Variants in CPED1 observed in about 807,000 individuals in gnomAD.
CPED1 encodes the protein cadherin-like and PC-esterase domain-containing protein 1.
CPED1 carries 114 observed loss-of-function variants against 128.2 expected under a neutral mutation model. The ratio of observed to expected loss-of-function variants is 0.89; its 90% CI spans 0.76 to 1.04. The LOEUF is 1.04. CPED1 is among the 50% of genes least tolerant of loss of function. CPED1 has a pLI of 0.00. For synonymous variants in CPED1, 462 were observed against 426.7 expected (o/e 1.08, Z -1.02); for missense variants, 1,211 against 1,207.1 (o/e 1.00, Z -0.05).
chr7:121,024,240 C>G (rs1792511558), intron 3 of CPED1, among the ~76,000 whole-genome samples: 1 of 152,088 alleles, frequency 6.6e-6, no homozygotes, highest in African/African-American at 2.4e-5. Flanking sequence ...ACTACAGGGA[C>G]TTCAGTTCAA....
chr7:121,010,957 A>G (rs529278599), intron 2 of CPED1, among the ~76,000 whole-genome samples: 2 of 152,334 alleles, frequency 1.3e-5, no homozygotes, highest in South Asian at 4.1e-4. Context: ...TCCCTAAAAT[A>G]AGAGTACATT....
chr7:121,112,553 C>T (rs1441929537), intron 7 of CPED1, among the ~76,000 whole-genome samples: 1 of 152,170 alleles, frequency 6.6e-6, no homozygotes, highest in Non-Finnish European at 1.5e-5. Flanking sequence ...GCCATGTGGA[C>T]ATCTTGACTT....
intron 1 of CPED1, 50 bp from the exon 2 acceptor site, chr7:120,989,341 C>A: frequency 2.5e-6 from 1 of 393,234 alleles, no homozygotes; most frequent in Non-Finnish European, 4.7e-6. Flanking sequence ...GGGGTACACT[C>A]AGGTTATTCG....
At chr7:121,225,952 A>G (rs1044328369) in intron 16 of CPED1, among the ~76,000 whole-genome samples, 2 of 151,838 alleles carry the variant, frequency 1.3e-5, no homozygotes, top group Non-Finnish European at 2.9e-5. Context: ...GAAGTTTGTT[A>G]TTACCGACCT....
chr7:121,057,919 A>G (rs1475183983), intron 4 of CPED1, among the ~76,000 whole-genome samples: 1 of 152,152 alleles, frequency 6.6e-6, no homozygotes, highest in African/African-American at 2.4e-5. Flanking sequence ...GAGACAAAAT[A>G]TTGGGGGATT....
intron 2 of CPED1, among the ~76,000 whole-genome samples, chr7:121,011,002 T>A (rs796631683): frequency 6.6e-6 from 1 of 152,220 alleles, no homozygotes. Context: ...ATTTTATTCT[T>A]ACAGTGCAAA....
Position 121,036,237 on chromosome 7 carries a change from T to C in CPED1, c.434-10650T>C, listed in dbSNP as rs1244205778. 4.6e-5 allele frequency among the ~76,000 whole-genome samples: 7 copies of C among 152,086 alleles called. No individual in the cohort carries two copies. The East Asian group carries it at 1.3e-3, about 29-fold the overall frequency. The stretch of plus-strand genomic sequence containing the variant: ...GTGCACCCATCACCCAAGCAGTGTA[T>C]ACTGTACCCAATGCGTAGTCTTTTC... On this transcript the variant is annotated intron_variant, in intron 3 of 22. Transcript: ENST00000310396.
chr7:121,012,604 C>T (rs764943709), intron 2 of CPED1, among the ~76,000 whole-genome samples: 7 of 152,308 alleles, frequency 4.6e-5, no homozygotes, highest in South Asian at 4.1e-4. Context: ...ATTTCACATA[C>T]GCAATGTGTG....
chr7:121,117,084 TATATATATATATATAA>T (rs1311157048), intron 7 of CPED1, among the ~76,000 whole-genome samples: 22 of 143,212 alleles, frequency 1.5e-4, no homozygotes, highest in African/African-American at 5.4e-4. Flanking sequence ...ACATTATATA[TATATATATATATATAA>T]ATATATATAT....
At chr7:121,126,325 A>AT (rs960675823) in intron 9 of CPED1, among the ~76,000 whole-genome samples, 7 of 151,272 alleles carry the variant, frequency 4.6e-5, no homozygotes, top group Admixed American at 2.0e-4. Context: ...GAATTTTTGA[A>AT]TTTTTTTTTC....
chr7:121,291,536 C>G (rs1240427249), intron 22 of CPED1, among the ~76,000 whole-genome samples: 1 of 152,062 alleles, frequency 6.6e-6, no homozygotes, highest in Non-Finnish European at 1.5e-5. Flanking sequence ...AGTTGGATTC[C>G]TAAGTATTTT....
chr7:121,259,346 G>T (rs1332807369), intron 18 of CPED1, among the ~76,000 whole-genome samples: 1 of 151,998 alleles, frequency 6.6e-6, no homozygotes, highest in Non-Finnish European at 1.5e-5. Context: ...CTGATCTTGG[G>T]TGGAAAGTTG....
At chr7:121,061,743 T>G (rs559120477) in intron 4 of CPED1, among the ~76,000 whole-genome samples, 1 of 152,240 alleles carries the variant, frequency 6.6e-6, no homozygotes, top group Non-Finnish European at 1.5e-5. Context: ...GCAAATCTTA[T>G]ACATTTTATG....
intron 5 of CPED1, among the ~76,000 whole-genome samples, chr7:121,066,452 A>T (rs987805992): frequency 2.6e-5 from 4 of 152,156 alleles, no homozygotes; most frequent in African/African-American, 9.6e-5. Flanking sequence ...TATTCCTAAC[A>T]CATAATGTCC....
chr7:120,999,563 A>C (rs41700), intron 2 of CPED1, among the ~76,000 whole-genome samples: 118,675 of 151,982 alleles, frequency 0.78, 46,709 homozygotes, highest in African/African-American at 0.85. Context: ...TCCTTTTATA[A>C]ATTTTTATAT....
At chr7:121,230,912 G>A (rs141658101) in intron 16 of CPED1, among the ~76,000 whole-genome samples, 207 of 152,114 alleles carry the variant, frequency 1.4e-3, no homozygotes, top group African/African-American at 4.4e-3. Flanking sequence ...TATGATATCT[G>A]TCATAGTTAT....
At chr7:121,042,367 A>G (rs919284327) in intron 3 of CPED1, among the ~76,000 whole-genome samples, 3 of 152,168 alleles carry the variant, frequency 2.0e-5, no homozygotes, top group African/African-American at 7.2e-5. Flanking sequence ...CTGAGCTTCC[A>G]AAGACAAACA....
chr7:121,042,100 G>A (rs552847637), intron 3 of CPED1, among the ~76,000 whole-genome samples: 47 of 146,586 alleles, frequency 3.2e-4, no homozygotes, highest in South Asian at 9.0e-4. Context: ...TGGTTTCTCC[G>A]CAACAGGGAA....
intron 3 of CPED1, among the ~76,000 whole-genome samples, chr7:121,039,938 G>C (rs1482175057): frequency 6.6e-6 from 1 of 151,880 alleles, no homozygotes; most frequent in African/African-American, 2.4e-5. Context: ...AAAATTTAGG[G>C]AGCTCAAAAC....
Sources: gnomAD v4.1 joint callset for allele counts (sites outside exome capture counted in the v4.1 genomes callset) on GRCh38, gnomAD v4.1.1 for gene constraint, MANE v1.5 for transcripts, NCBI Gene and HGNC (gene_info 2026-07-23, HGNC 2026-07-21) for gene names.